Variants in WWOX observed in about 807,000 individuals in gnomAD.
The protein encoded by WWOX is WW domain containing oxidoreductase, also known as WW domain-containing oxidoreductase.
A neutral mutation model predicts 46.2 loss-of-function variants in WWOX; 69 were observed. That is an observed-to-expected ratio of 1.49 (90% CI 1.23 to 1.82). The LOEUF (loss-of-function observed/expected upper bound fraction) is 1.82, where lower values mean the gene tolerates loss of function less well. Ranked by LOEUF, WWOX falls within the 40% of genes most tolerant of loss-of-function variation. The pLI, the probability that WWOX is intolerant of heterozygous loss-of-function variation, is 0.00. For missense variants in WWOX, 919 were observed against 542.6 expected, an observed-to-expected ratio of 1.69 and a Z score of -6.89; for synonymous variants, 359 against 202.6, an observed-to-expected ratio of 1.77 and a Z score of -6.56.
chr16:78,179,515 G>GC (rs1157392474), intron 5 of WWOX, among the ~76,000 whole-genome samples: 1 of 152,012 alleles, frequency 6.6e-6, no homozygotes, highest in Non-Finnish European at 1.5e-5. Flanking sequence ...CAGGAATATG[G>GC]CCCCCAACGC....
intron 8 of WWOX, among the ~76,000 whole-genome samples, chr16:78,605,490 C>A (rs1278422318): frequency 2.0e-5 from 3 of 151,904 alleles, no homozygotes; most frequent in African/African-American, 7.3e-5. Flanking sequence ...TTTCCCTTGG[C>A]CCTTGTCAAA....
intron 8 of WWOX, among the ~76,000 whole-genome samples, chr16:79,086,908 T>C (rs1173376851): frequency 6.6e-6 from 1 of 152,130 alleles, no homozygotes; most frequent in Non-Finnish European, 1.5e-5. Flanking sequence ...AAAGAGTTTA[T>C]GTGTTCAGTA....
intron 8 of WWOX, among the ~76,000 whole-genome samples, chr16:78,848,592 CAG>C (rs2052360116): frequency 6.6e-6 from 1 of 152,110 alleles, no homozygotes; most frequent in African/African-American, 2.4e-5. Context: ...TGGGAGGAAA[CAG>C]GGTGCAGAGT....
chr16:78,974,725 C>T (rs548550752), intron 8 of WWOX, among the ~76,000 whole-genome samples: 3 of 152,196 alleles, frequency 2.0e-5, no homozygotes, highest in East Asian at 1.9e-4. Flanking sequence ...TTTGCCAAAC[C>T]CCAAGACCCA....
rs79429924 is a variant in WWOX at position 78,970,316 on chromosome 16, A to T, written c.1057-241292A>T. ...TCTCTGCCCTTCCCCACTACAGTGT[A>T]AACTCCATTTGGACTTTCTCTAGTT... is the stretch of plus-strand genomic sequence containing the variant. On this transcript the variant is annotated intron_variant, in intron 8 of 8. Coordinates refer to ENST00000566780, the MANE Select transcript of WWOX (RefSeq NM_016373.4). Among the ~76,000 whole-genome samples the T allele has an allele frequency of 9.6e-3, 1,463 of 152,318 alleles. 44 individuals are homozygous for T. The highest frequency in any genetic ancestry group is 0.09 in the East Asian group (465 of 5,180).
At chr16:78,887,518 C>CTGT (rs1555559771) in intron 8 of WWOX, among the ~76,000 whole-genome samples, 1 of 147,340 alleles carries the variant, frequency 6.8e-6, no homozygotes, top group Non-Finnish European at 1.5e-5. Flanking sequence ...CACACACACA[C>CTGT]AAGAAATGAC....
chr16:78,710,487 T>TATATATATTTATATAA (rs2048418675), intron 8 of WWOX, among the ~76,000 whole-genome samples: 1 of 129,522 alleles, frequency 7.7e-6, no homozygotes, highest in East Asian at 2.2e-4. Flanking sequence ...TATATATATA[T>TATATATATTTATATAA]ATATATATAT....
At chr16:78,263,028 C>T (rs2151838887) in intron 5 of WWOX, among the ~76,000 whole-genome samples, 1 of 152,264 alleles carries the variant, frequency 6.6e-6, no homozygotes. Context: ...TCCCTTGGCT[C>T]TGCTTTCCTT....
At chr16:78,126,533 A>G (rs1181825093) in intron 4 of WWOX, among the ~76,000 whole-genome samples, 3 of 152,124 alleles carry the variant, frequency 2.0e-5, no homozygotes, top group African/African-American at 7.2e-5. Context: ...ATATGTATCG[A>G]TTACTAATTG....
intron 6 of WWOX, among the ~76,000 whole-genome samples, chr16:78,397,209 G>C (rs1567548149): frequency 6.6e-6 from 1 of 150,840 alleles, no homozygotes; most frequent in Non-Finnish European, 1.5e-5. Context: ...ATATAGGGAA[G>C]CAGGTCAATA....
intron 8 of WWOX, among the ~76,000 whole-genome samples, chr16:79,136,965 G>A (rs529623695): frequency 1.3e-3 from 203 of 152,310 alleles, no homozygotes; most frequent in African/African-American, 4.8e-3. Flanking sequence ...ACAGAGAATA[G>A]GAGAGAAAAT....
intron 8 of WWOX, among the ~76,000 whole-genome samples, chr16:78,758,558 A>C (rs955106904): frequency 6.6e-6 from 1 of 152,142 alleles, no homozygotes; most frequent in South Asian, 2.1e-4. Flanking sequence ...TTTTCAACAC[A>C]ATTCCAAGTG....
chr16:78,522,758 G>C (rs1449288664), intron 8 of WWOX, among the ~76,000 whole-genome samples: 1 of 152,190 alleles, frequency 6.6e-6, no homozygotes, highest in Non-Finnish European at 1.5e-5. Flanking sequence ...AAGTCAAGTC[G>C]AATATCTGGT....
intron 5 of WWOX, among the ~76,000 whole-genome samples, chr16:78,207,117 T>C (rs2036420141): frequency 6.6e-6 from 1 of 152,216 alleles, no homozygotes; most frequent in South Asian, 2.1e-4. Context: ...GTAATACCTA[T>C]TGCTCATTTT....
At chr16:78,373,364 C>T (rs951248026) in intron 5 of WWOX, among the ~76,000 whole-genome samples, 18 of 152,278 alleles carry the variant, frequency 1.2e-4, no homozygotes, top group African/African-American at 4.1e-4. Flanking sequence ...GTATTGTCCC[C>T]TAGGAACTTA....
intron 4 of WWOX, among the ~76,000 whole-genome samples, chr16:78,125,122 TATTG>T (rs1567585606): frequency 1.3e-5 from 2 of 152,204 alleles, no homozygotes; most frequent in Non-Finnish European, 2.9e-5. Flanking sequence ...GATTCGTATT[TATTG>T]ATTATCATGT....
chr16:78,597,335 G>C (rs1255230090), intron 8 of WWOX, among the ~76,000 whole-genome samples: 1 of 152,084 alleles, frequency 6.6e-6, no homozygotes, highest in Non-Finnish European at 1.5e-5. Flanking sequence ...CACTGTACTT[G>C]GGGCCATATG....
chr16:79,069,356 G>T (rs896891446), intron 8 of WWOX, among the ~76,000 whole-genome samples: 18 of 152,198 alleles, frequency 1.2e-4, no homozygotes, highest in African/African-American at 3.4e-4. Flanking sequence ...AGAGCCCAGT[G>T]ATTGGGAACA....
chr16:78,900,602 G>C (rs1320050677), intron 8 of WWOX, among the ~76,000 whole-genome samples: 2 of 152,080 alleles, frequency 1.3e-5, no homozygotes, highest in Admixed American at 6.5e-5. Flanking sequence ...AAACCACAAA[G>C]TCATAATCAG....
Sources: allele counts gnomAD v4.1 joint callset (sites outside exome capture counted in the v4.1 genomes callset), GRCh38; gene constraint gnomAD v4.1.1; transcripts MANE v1.5; gene names NCBI Gene and HGNC (gene_info 2026-07-23, HGNC 2026-07-21).